KCNN2: variants seen among roughly 807,000 people sequenced by gnomAD.
KCNN2 encodes small conductance calcium-activated potassium channel protein 2.
In KCNN2, 24 loss-of-function variants were observed where a neutral mutation model predicts 55.5. The ratio of observed to expected loss-of-function variants is 0.43; its 90% CI spans 0.31 to 0.61. The LOEUF (loss-of-function observed/expected upper bound fraction) is 0.61. Ranked by LOEUF, KCNN2 falls within the 20% of genes least tolerant of loss-of-function variation. KCNN2 has a pLI of 0.08. For missense variants in KCNN2, 754 were observed against 853.6 expected (o/e 0.88, Z 1.45); for synonymous variants, 431 against 336.1 (o/e 1.28, Z -3.09).
intron 1 of KCNN2, among the ~76,000 whole-genome samples, chr5:114,217,289 A>C (rs1402630290): frequency 6.6e-6 from 1 of 152,146 alleles, no homozygotes; most frequent in African/African-American, 2.4e-5. Flanking sequence ...GACCCACAAC[A>C]GCCAACACAA....
intron 2 of KCNN2, among the ~76,000 whole-genome samples, chr5:114,341,626 C>T (rs970417358): frequency 2.6e-5 from 4 of 152,044 alleles, no homozygotes; most frequent in African/African-American, 4.8e-5. Context: ...CCTTTATCTT[C>T]GAAGCCAGAG....
chr5:114,143,069 G>A (rs959808827), intron 1 of KCNN2, among the ~76,000 whole-genome samples: 1 of 152,066 alleles, frequency 6.6e-6, no homozygotes, highest in Non-Finnish European at 1.5e-5. Context: ...GCTGGGTCCA[G>A]GGGGGTCACC....
intron 1 of KCNN2, among the ~76,000 whole-genome samples, chr5:114,143,711 T>A (rs1236807944): frequency 6.6e-6 from 1 of 152,240 alleles, no homozygotes; most frequent in African/African-American, 2.4e-5. Context: ...TGGCTCATTC[T>A]GGCAGTCCAG....
At chr5:114,056,637 C>A (rs1006235609) in intron 1 of KCNN2, 1 of 389,410 alleles carries the variant, frequency 2.6e-6, no homozygotes, top group Non-Finnish European at 4.5e-6. Flanking sequence ...TCTCCAGCAC[C>A]CACTCATACC....
intron 4 of KCNN2, among the ~76,000 whole-genome samples, chr5:114,468,735 T>G (rs1224143006): frequency 3.3e-5 from 5 of 152,212 alleles, no homozygotes; most frequent in Non-Finnish European, 7.3e-5. Flanking sequence ...ATTATTATGT[T>G]GAATCTTTTG....
chr5:114,159,852 C>G (rs1387214851), intron 1 of KCNN2, among the ~76,000 whole-genome samples: 1 of 151,982 alleles, frequency 6.6e-6, no homozygotes, highest in African/African-American at 2.4e-5. Flanking sequence ...TGGTGACATC[C>G]CCTTTGTCAT....
At chr5:114,326,778 A>G (rs1446640530) in intron 2 of KCNN2, among the ~76,000 whole-genome samples, 1 of 152,194 alleles carries the variant, frequency 6.6e-6, no homozygotes, top group East Asian at 1.9e-4. Flanking sequence ...GTATATTCCA[A>G]ATCCTTGGTC....
intron 2 of KCNN2, among the ~76,000 whole-genome samples, chr5:114,367,612 C>A: frequency 6.6e-6 from 1 of 151,232 alleles, no homozygotes; most frequent in Non-Finnish European, 1.5e-5. Context: ...GTCTCAAGGT[C>A]AAATTATAGG....
In KCNN2 at chr5:114,473,177, C is replaced by T. The variant is rs983712874; in HGVS notation, c.1890+13C>T. On this transcript the variant is annotated intron_variant, in intron 5 of 7. Coordinates refer to ENST00000673685, the MANE Select transcript of KCNN2 (RefSeq NM_021614.4). ...GCTGACTAAAAGAGTAAGTTACTAT[C>T]CATATATCTTCAAAGAGAATATTAT... is the stretch of plus-strand genomic sequence containing the variant. 2 of 1,414,920 alleles carry T rather than the reference C, an allele frequency of 1.4e-6. No homozygotes were observed. Among genetic ancestry groups the T allele is most frequent in the Admixed American group, 1.7e-5 (1 of 58,276 alleles). 87.6% of individuals were successfully genotyped at this position (1,414,920 alleles called of 1,614,324 possible). A position where few individuals can be genotyped will look rare whatever the true frequency, so the allele number is the denominator to read the frequency against.
At chr5:114,237,241 G>A (rs1754516843) in intron 2 of KCNN2, among the ~76,000 whole-genome samples, 1 of 147,366 alleles carries the variant, frequency 6.8e-6, no homozygotes, top group East Asian at 2.0e-4. Flanking sequence ...ATCTCCTGAT[G>A]TGGGTTGTCA....
Position 114,469,855 on chromosome 5 carries a change from C to T in KCNN2, c.1780-3199C>T, listed in dbSNP as rs371846986. Among the ~76,000 whole-genome samples, 427 of 152,146 alleles carry T rather than the reference C, an allele frequency of 2.8e-3. 5 individuals carry two copies. The highest frequency in any genetic ancestry group is 9.7e-3 in the African/African-American group (401 of 41,494). ...AGGTTACTTTCATCAGATTCTCTTA[C>T]GATTTATTAATCTAGGGAAGTATAA... On this transcript the variant is annotated intron_variant, in intron 4 of 7. Coordinates refer to ENST00000673685, the MANE Select transcript of KCNN2 (RefSeq NM_021614.4).
intron 1 of KCNN2, among the ~76,000 whole-genome samples, chr5:114,088,472 T>C (rs1427126537): frequency 1.3e-5 from 2 of 152,134 alleles, no homozygotes; most frequent in Non-Finnish European, 2.9e-5. Context: ...ACTGAAGCTC[T>C]GTCCATTTTT....
chr5:114,240,920 G>C (rs1478138868), intron 2 of KCNN2, among the ~76,000 whole-genome samples: 1 of 151,910 alleles, frequency 6.6e-6, no homozygotes, highest in East Asian at 1.9e-4. Context: ...TTACACAAGA[G>C]GATTTATTAA....
intron 2 of KCNN2, among the ~76,000 whole-genome samples, chr5:114,356,101 C>G (rs1444799030): frequency 6.6e-6 from 1 of 152,114 alleles, no homozygotes; most frequent in Non-Finnish European, 1.5e-5. Flanking sequence ...TGAAGAAGAG[C>G]TAGCAGAGTG....
At chr5:114,323,574 G>A (rs542092837) in intron 2 of KCNN2, among the ~76,000 whole-genome samples, 1 of 143,732 alleles carries the variant, frequency 7.0e-6, no homozygotes, top group South Asian at 2.3e-4. Context: ...GGTATGATTT[G>A]TTCTTTTCTC....
chr5:114,222,818 T>A (rs1754168162), intron 2 of KCNN2, among the ~76,000 whole-genome samples: 1 of 152,210 alleles, frequency 6.6e-6, no homozygotes, highest in Admixed American at 6.5e-5. Context: ...GTTTAAAAAG[T>A]CCAGGTTCTG....
chr5:114,353,215 T>C (rs901727593), intron 2 of KCNN2, among the ~76,000 whole-genome samples: 4 of 151,798 alleles, frequency 2.6e-5, no homozygotes, highest in South Asian at 2.1e-4. Flanking sequence ...CCAATACTTA[T>C]ATGGTTGTTG....
rs146341568 is a variant in KCNN2 at position 114,113,961 on chromosome 5, A to G, written c.-271+57461A>G. ...ATGTCAAAATGACCTATTTTGGGGT[A>G]GCATATTTTGGGGTGACATTTGGAT... On this transcript the variant is annotated intron_variant, in intron 1 of 10. Coordinates refer to the KCNN2 transcript ENST00000512097. 2.5e-3 allele frequency among the ~76,000 whole-genome samples: 388 copies of G among 152,206 alleles called. 2 individuals are homozygous for G. The highest frequency in any genetic ancestry group is 0.018 in the South Asian group (86 of 4,826).
intron 1 of KCNN2, among the ~76,000 whole-genome samples, chr5:114,207,721 A>G (rs13154555): frequency 0.11 from 17,050 of 152,216 alleles, 1,145 homozygotes; most frequent in Middle Eastern, 0.23. Flanking sequence ...ACTTACTTGC[A>G]CCTCTTGAGG....
Sources: allele counts gnomAD v4.1 joint callset (sites outside exome capture counted in the v4.1 genomes callset), GRCh38; gene constraint gnomAD v4.1.1; transcripts MANE v1.5; gene names NCBI Gene and HGNC (gene_info 2026-07-23, HGNC 2026-07-21).